The following CNNM2 variants were observed in gnomAD, a reference collection of about 807,000 sequenced individuals.
CNNM2 encodes the protein cyclin and CBS domain divalent metal cation transport mediator 2, also known as metal transporter CNNM2.
In CNNM2, 12 loss-of-function variants were observed where a neutral mutation model predicts 66.9. That is an observed-to-expected ratio of 0.18 (90% CI 0.11 to 0.29). CNNM2 has a LOEUF of 0.29. Ranked by LOEUF, CNNM2 falls within the 10% of genes least tolerant of loss-of-function variation. The pLI, the probability that CNNM2 is intolerant of heterozygous loss-of-function variation, is 1.00. For synonymous variants in CNNM2, 557 were observed against 501.8 expected (o/e 1.11, Z -1.47); for missense variants, 705 against 1,167.7 (o/e 0.60, Z 5.77).
intron 1 of CNNM2, among the ~76,000 whole-genome samples, chr10:103,025,974 C>T (rs1000011984): frequency 6.6e-6 from 1 of 152,168 alleles, no homozygotes; most frequent in Non-Finnish European, 1.5e-5. Context: ...TCAGGTTCCT[C>T]GTGAATGGAT....
At chr10:102,977,927 C>T (rs1459487620) in intron 1 of CNNM2, among the ~76,000 whole-genome samples, 2 of 150,350 alleles carry the variant, frequency 1.3e-5, no homozygotes, top group South Asian at 2.2e-4. Flanking sequence ...TTGTTGTCGT[C>T]GAGACAGAGT....
intron 1 of CNNM2, among the ~76,000 whole-genome samples, chr10:103,038,235 G>A (rs1452160209): frequency 6.6e-6 from 1 of 152,108 alleles, no homozygotes; most frequent in East Asian, 1.9e-4. Flanking sequence ...TGATAAAACT[G>A]TAAAATCTGA....
At chr10:102,975,155 G>A (rs553874205) in intron 1 of CNNM2, among the ~76,000 whole-genome samples, 2 of 152,284 alleles carry the variant, frequency 1.3e-5, no homozygotes, top group African/African-American at 4.8e-5. Context: ...TAAACTTCCT[G>A]TTTGTAGGAG....
chr10:102,974,428 T>G (rs973964609), intron 1 of CNNM2, among the ~76,000 whole-genome samples: 7 of 152,098 alleles, frequency 4.6e-5, no homozygotes, highest in South Asian at 4.1e-4. Context: ...TGTTGAGGGG[T>G]TTGTGGCTTA....
At chr10:102,964,139 A>G (rs1564822931) in intron 1 of CNNM2, among the ~76,000 whole-genome samples, 1 of 152,246 alleles carries the variant, frequency 6.6e-6, no homozygotes, top group Non-Finnish European at 1.5e-5. Flanking sequence ...TCTGCAGTCT[A>G]CCAACTTTAA....
intron 1 of CNNM2, among the ~76,000 whole-genome samples, chr10:102,935,910 G>A (rs905294931): frequency 1.3e-5 from 2 of 150,622 alleles, no homozygotes; most frequent in African/African-American, 2.4e-5. Flanking sequence ...GAAATGCCAC[G>A]CCCGGCCTAG....
intron 1 of CNNM2, among the ~76,000 whole-genome samples, chr10:102,945,853 G>C (rs1011936272): frequency 6.6e-6 from 1 of 151,884 alleles, no homozygotes; most frequent in Non-Finnish European, 1.5e-5. Flanking sequence ...AGGATGATGA[G>C]CTCCTTGAGG....
chr10:102,925,477 G>C (rs1354505390), intron 1 of CNNM2, among the ~76,000 whole-genome samples: 4 of 152,018 alleles, frequency 2.6e-5, no homozygotes, highest in Non-Finnish European at 5.9e-5. Context: ...GGTCTAGTCA[G>C]CCCCTTGATT....
At chr10:102,920,135 C>A (rs769050615) in intron 1 of CNNM2, 34 bp downstream of exon 1, 1 of 1,614,060 alleles carries the variant, frequency 6.2e-7, no homozygotes, top group Non-Finnish European at 8.5e-7. Flanking sequence ...TTGGCTTGCT[C>A]TTTCTCTCTC....
chr10:103,041,812 C>G lies in CNNM2; in HGVS notation c.1622-7895C>G, dbSNP rs915332993. ...CCCCCTCCCCTTCCTGCTGGCCACT[C>G]TTTCTCAAGTCTCTCTTTGGTTCTA... On this transcript the variant is annotated intron_variant, in intron 1 of 7. Transcript: ENST00000369878. 2.0e-5 allele frequency among the ~76,000 whole-genome samples: 3 copies of G among 152,152 alleles called. No homozygotes were observed. The highest frequency in any genetic ancestry group is 6.5e-5 in the Admixed American group (1 of 15,278).
At chr10:102,980,380 C>A (rs779017579) in intron 1 of CNNM2, among the ~76,000 whole-genome samples, 5 of 151,272 alleles carry the variant, frequency 3.3e-5, no homozygotes, top group Non-Finnish European at 7.4e-5. Context: ...AGGTGATCCT[C>A]CCACCTTAGC....
At chr10:102,960,053 A>G (rs1453057365) in intron 1 of CNNM2, among the ~76,000 whole-genome samples, 1 of 151,284 alleles carries the variant, frequency 6.6e-6, no homozygotes, top group African/African-American at 2.4e-5. Flanking sequence ...CTCTGTCTCA[A>G]AAAAATAAAA....
intron 1 of CNNM2, among the ~76,000 whole-genome samples, chr10:102,984,579 G>A (rs1408129291): frequency 6.6e-6 from 1 of 152,172 alleles, no homozygotes; most frequent in Non-Finnish European, 1.5e-5. Flanking sequence ...AAAAGGCTTA[G>A]GGTAGTGCTC....
At chr10:103,015,383 C>T (rs911171311) in intron 1 of CNNM2, among the ~76,000 whole-genome samples, 2 of 152,088 alleles carry the variant, frequency 1.3e-5, no homozygotes, top group Non-Finnish European at 2.9e-5. Context: ...TTCTGCAGAC[C>T]CTACTCAAAC....
In CNNM2 at chr10:102,919,494, C is replaced by G; in HGVS notation, c.1014C>G (p.Ala338=). 5 of 1,612,722 alleles carry G rather than the reference C, an allele frequency of 3.1e-6. No individual in the cohort carries two copies. Among genetic ancestry groups the G allele is most frequent in the Non-Finnish European group, 3.4e-6 (4 of 1,180,044 alleles). ...TCACCATCCTGCTCGACGACATCGC[C>G]GGCTCGGGCCTCGTGGCCGTGGTAG... ...TTLTILLDDI[A]GSGLVAVVVS... is the part of the protein sequence containing the mutation. The change falls in exon 1 of 8, where the codon GCC becomes GCG. Residue 338 remains alanine, a synonymous_variant. Coordinates refer to ENST00000369878, the MANE Select transcript of CNNM2 (RefSeq NM_017649.5).
intron 4 of CNNM2, among the ~76,000 whole-genome samples, chr10:103,064,568 G>A (rs1280116651): frequency 6.6e-6 from 1 of 152,172 alleles, no homozygotes; most frequent in Non-Finnish European, 1.5e-5. Context: ...ATTTTGCCCT[G>A]GCACGGTGGC....
At chr10:102,960,130 G>A (rs551464964) in intron 1 of CNNM2, among the ~76,000 whole-genome samples, 2 of 152,130 alleles carry the variant, frequency 1.3e-5, no homozygotes, top group East Asian at 1.9e-4. Context: ...ATGAAAGGGC[G>A]AAATGAAATA....
chr10:103,033,434 C>T (rs2064868662), intron 1 of CNNM2, among the ~76,000 whole-genome samples: 1 of 152,160 alleles, frequency 6.6e-6, no homozygotes, highest in South Asian at 2.1e-4. Flanking sequence ...TCCTGATCTG[C>T]CTGCCTTGGC....
At chr10:102,976,390 A>G (rs2063629016) in intron 1 of CNNM2, among the ~76,000 whole-genome samples, 1 of 135,654 alleles carries the variant, frequency 7.4e-6, no homozygotes, top group South Asian at 2.3e-4. Context: ...ACTGTGTAAC[A>G]TTATGTCTGT....
Sources: gnomAD v4.1 joint callset for allele counts (sites outside exome capture counted in the v4.1 genomes callset) on GRCh38, gnomAD v4.1.1 for gene constraint, MANE v1.5 for transcripts, NCBI Gene and HGNC (gene_info 2026-07-23, HGNC 2026-07-21) for gene names.